Variants in GRHL2 observed in about 807,000 individuals in gnomAD.
The protein encoded by GRHL2 is grainyhead like transcription factor 2.
A neutral mutation model predicts 83.8 loss-of-function variants in GRHL2; 21 were observed. The ratio of observed to expected loss-of-function variants is 0.25; its 90% CI spans 0.18 to 0.36. The LOEUF (loss-of-function observed/expected upper bound fraction) is 0.36. Ranked by LOEUF, GRHL2 falls within the 10% of genes least tolerant of loss-of-function variation. The pLI is 1.00. For missense variants in GRHL2, 623 were observed against 781.8 expected (o/e 0.80, Z 2.42); for synonymous variants, 280 against 278.9 (o/e 1.00, Z -0.04).
chr8:101,604,144 C>G (rs1230680383), intron 8 of GRHL2, among the ~76,000 whole-genome samples: 1 of 151,800 alleles, frequency 6.6e-6, no homozygotes, highest in African/African-American at 2.4e-5. Context: ...ACTTCTGTGT[C>G]ATATTCTTTC....
At chr8:101,619,766 T>A (rs1327615815) in intron 9 of GRHL2, 69 bp downstream of exon 9, 1 of 1,216,908 alleles carries the variant, frequency 8.2e-7, no homozygotes, top group African/African-American at 1.5e-5. Context: ...TGGCATTTCT[T>A]CCTTGTCACC....
At chr8:101,498,673 G>A (rs919809688) in intron 1 of GRHL2, among the ~76,000 whole-genome samples, 2 of 152,174 alleles carry the variant, frequency 1.3e-5, no homozygotes, top group Admixed American at 6.5e-5. Context: ...AATGATCCCA[G>A]TGCCACCTGA....
intron 4 of GRHL2, among the ~76,000 whole-genome samples, chr8:101,566,083 C>T (rs1253326286): frequency 1.3e-5 from 2 of 152,162 alleles, no homozygotes; most frequent in Admixed American, 1.3e-4. Flanking sequence ...AATGTTGATT[C>T]ATCTACTACA....
intron 9 of GRHL2, among the ~76,000 whole-genome samples, chr8:101,623,979 G>T (rs1395186319): frequency 2.2e-5 from 3 of 138,286 alleles, no homozygotes; most frequent in African/African-American, 5.5e-5. Flanking sequence ...ACAGTACACA[G>T]GACAGTTCAC....
At chr8:101,542,832 G>T in intron 1 of GRHL2, 1 of 456,950 alleles carries the variant, frequency 2.2e-6, no homozygotes, top group Non-Finnish European at 4.4e-6. Flanking sequence ...GCAAGAGGGG[G>T]TGAAGCTATT....
chr8:101,648,938 T>G (rs1327843537), intron 13 of GRHL2, among the ~76,000 whole-genome samples: 1 of 152,206 alleles, frequency 6.6e-6, no homozygotes, highest in African/African-American at 2.4e-5. Flanking sequence ...TCTAGTTGTC[T>G]GCTTATTTGA....
intron 3 of GRHL2, among the ~76,000 whole-genome samples, chr8:101,555,630 CTCTT>C (rs1811475342): frequency 6.6e-6 from 1 of 152,176 alleles, no homozygotes; most frequent in South Asian, 2.1e-4. Context: ...TAAATTTTCA[CTCTT>C]TCTTATATAC....
intron 1 of GRHL2, 110 bp downstream of exon 1, chr8:101,492,899 TTTTTTC>T (rs1184777878): frequency 2.5e-5 from 26 of 1,041,122 alleles, no homozygotes; most frequent in Admixed American, 5.3e-5. Context: ...TTTTTCTTTC[TTTTTTC>T]TTTTTCTTTT....
intron 8 of GRHL2, among the ~76,000 whole-genome samples, chr8:101,608,735 T>TCTCTCTCACACA (rs1326292897): frequency 1.4e-5 from 2 of 144,656 alleles, no homozygotes; most frequent in African/African-American, 5.3e-5. Context: ...GCTCACTCTC[T>TCTCTCTCACACA]CACACACACA....
intron 1 of GRHL2, among the ~76,000 whole-genome samples, chr8:101,495,506 G>A (rs1810081493): frequency 6.6e-6 from 1 of 152,150 alleles, no homozygotes; most frequent in African/African-American, 2.4e-5. Context: ...TAAATTTTAT[G>A]AAGATTTAAG....
intron 1 of GRHL2, among the ~76,000 whole-genome samples, chr8:101,521,910 C>G (rs1810693579): frequency 6.6e-6 from 1 of 152,168 alleles, no homozygotes; most frequent in South Asian, 2.1e-4. Context: ...TTGGTCAACA[C>G]TGCCCCCTGC....
chr8:101,500,107 TAAAAAC>T (rs962108680), intron 1 of GRHL2, among the ~76,000 whole-genome samples: 2 of 150,732 alleles, frequency 1.3e-5, no homozygotes, highest in African/African-American at 4.9e-5. Flanking sequence ...AAACAAGAAA[TAAAAAC>T]AAACAAACAA....
At chr8:101,651,899 G>A (rs558918772) in intron 14 of GRHL2, among the ~76,000 whole-genome samples, 1 of 152,300 alleles carries the variant, frequency 6.6e-6, no homozygotes, top group East Asian at 1.9e-4. Context: ...TGCTTCCTAA[G>A]TTATGCAAAT....
At chr8:101,620,873 T>A (rs1480403144) in intron 9 of GRHL2, among the ~76,000 whole-genome samples, 2 of 151,400 alleles carry the variant, frequency 1.3e-5, no homozygotes, top group African/African-American at 4.9e-5. Context: ...TTAGGCTCTA[T>A]GAATTCTGAG....
intron 1 of GRHL2, among the ~76,000 whole-genome samples, chr8:101,516,285 A>G (rs1333551443): frequency 6.6e-6 from 1 of 152,186 alleles, no homozygotes; most frequent in Non-Finnish European, 1.5e-5. Context: ...TTTATCAAAG[A>G]AGTATATTTA....
intron 1 of GRHL2, among the ~76,000 whole-genome samples, chr8:101,504,165 T>A (rs1730538483): frequency 6.6e-6 from 1 of 152,174 alleles, no homozygotes; most frequent in Admixed American, 6.5e-5. Flanking sequence ...CCTGCAGAAA[T>A]CCCTGCCCTC....
chr8:101,508,380 T>A (rs1810382671), intron 1 of GRHL2, among the ~76,000 whole-genome samples: 2 of 120,028 alleles, frequency 1.7e-5, no homozygotes. Flanking sequence ...TTCTTTCCAT[T>A]TACTCAGGTT....
chr8:101,540,168 C>T (rs750569915), intron 1 of GRHL2, among the ~76,000 whole-genome samples: 3 of 152,178 alleles, frequency 2.0e-5, no homozygotes, highest in Non-Finnish European at 4.4e-5. Flanking sequence ...CAGTGATAGT[C>T]ATACCTGTTA....
In GRHL2 at chr8:101,558,679, A is replaced by G; in HGVS notation, c.545A>G (p.Gln182Arg). The change falls in exon 4 of 16, where the codon CAA becomes CGA. Residue 182 changes from glutamine (Q) to arginine (R), a missense_variant. Around this residue, in one of 8 missense-constraint regions of GRHL2, gnomAD observed 239 missense variants for 240.5 expected, o/e 0.99. Coordinates refer to ENST00000646743, the MANE Select transcript of GRHL2 (RefSeq NM_024915.4). ...VHYPRGDGEE[Q>R]RVVIFEQTQY... ...TATCCCCGGGGAGATGGGGAAGAGC[A>G]ACGAGTGGTTATCTTTGAACAGACT... 1 of 1,614,182 alleles carries G rather than the reference A, an allele frequency of 6.2e-7. No individual in the cohort carries two copies. Among genetic ancestry groups the G allele is most frequent in the East Asian group, 2.2e-5 (1 of 44,872 alleles).
Sources: allele counts gnomAD v4.1 joint callset (sites outside exome capture counted in the v4.1 genomes callset), GRCh38; gene constraint gnomAD v4.1.1; regional missense constraint gnomAD v4.1.1; transcripts MANE v1.5; gene names NCBI Gene and HGNC (gene_info 2026-07-23, HGNC 2026-07-21).